ADARB2: variants seen among roughly 807,000 people sequenced by gnomAD.
ADARB2 encodes the protein inactive double-stranded RNA-specific editase B2.
ADARB2 carries 25 observed loss-of-function variants against 62.2 expected under a neutral mutation model. The ratio of observed to expected loss-of-function variants is 0.40; its 90% CI spans 0.29 to 0.56. The LOEUF (loss-of-function observed/expected upper bound fraction) is 0.56, where lower values mean the gene tolerates loss of function less well. ADARB2 is among the 20% of genes least tolerant of loss of function. ADARB2 has a pLI of 0.43. For missense variants in ADARB2, 1,071 were observed against 1,077.4 expected (o/e 0.99, Z 0.08); for synonymous variants, 572 against 500.8 (o/e 1.14, Z -1.90).
chr10:1,578,201 A>G (rs1320749387), intron 1 of ADARB2, among the ~76,000 whole-genome samples: 2 of 152,224 alleles, frequency 1.3e-5, no homozygotes, highest in African/African-American at 2.4e-5. Context: ...CACTTCCCGC[A>G]GCGGAACAGA....
intron 4 of ADARB2, among the ~76,000 whole-genome samples, chr10:1,265,819 G>A (rs1831192142): frequency 7.2e-6 from 1 of 138,394 alleles, no homozygotes; most frequent in South Asian, 2.6e-4. Context: ...CTGAGAGGGG[G>A]GCCCAGGGTC....
chr10:1,567,959 A>G (rs936541880), intron 1 of ADARB2, among the ~76,000 whole-genome samples: 14 of 152,178 alleles, frequency 9.2e-5, no homozygotes, highest in Non-Finnish European at 4.4e-5. Flanking sequence ...CGTTGATGGC[A>G]CGGCATCACC....
At chr10:1,308,920 G>T (rs1831658074) in intron 3 of ADARB2, among the ~76,000 whole-genome samples, 1 of 152,196 alleles carries the variant, frequency 6.6e-6, no homozygotes, top group South Asian at 2.1e-4. Context: ...AGGATAAACA[G>T]ATGCAGTTTC....
chr10:1,614,412 A>C (rs1011078406), intron 1 of ADARB2, among the ~76,000 whole-genome samples: 1 of 152,262 alleles, frequency 6.6e-6, no homozygotes, highest in African/African-American at 2.4e-5. Context: ...CAGAAAAAGC[A>C]ATGATTTTAT....
intron 8 of ADARB2, among the ~76,000 whole-genome samples, chr10:1,197,062 T>C (rs970615316): frequency 1.3e-5 from 2 of 152,250 alleles, no homozygotes; most frequent in African/African-American, 4.8e-5. Context: ...TAAACATTTG[T>C]AAAAATTTTG....
intron 1 of ADARB2, among the ~76,000 whole-genome samples, chr10:1,393,988 C>T (rs1331727576): frequency 6.6e-6 from 1 of 152,228 alleles, no homozygotes; most frequent in Non-Finnish European, 1.5e-5. Context: ...AGTTGCCTGA[C>T]ATCATCCTCG....
chr10:1,265,352 G>T (rs1831184642), intron 4 of ADARB2, among the ~76,000 whole-genome samples: 2 of 152,252 alleles, frequency 1.3e-5, no homozygotes, highest in Admixed American at 1.3e-4. Context: ...TGAAACACAA[G>T]AGTTTCTAAA....
intron 1 of ADARB2, among the ~76,000 whole-genome samples, chr10:1,480,136 G>C (rs894344198): frequency 6.6e-6 from 1 of 152,088 alleles, no homozygotes; most frequent in Non-Finnish European, 1.5e-5. Flanking sequence ...ACAGGACAAA[G>C]AGAAAGATAC....
At chr10:1,706,174 G>C (rs993444982) in intron 1 of ADARB2, among the ~76,000 whole-genome samples, 1 of 152,176 alleles carries the variant, frequency 6.6e-6, no homozygotes, top group East Asian at 1.9e-4. Flanking sequence ...TTGCTAAAAC[G>C]CTAGTGTTTT....
intron 3 of ADARB2, among the ~76,000 whole-genome samples, chr10:1,305,210 T>C (rs1246361173): frequency 1.4e-5 from 2 of 141,856 alleles, no homozygotes; most frequent in Non-Finnish European, 3.1e-5. Context: ...TAAAAAATGA[T>C]AAAGGGGATA....
intron 1 of ADARB2, among the ~76,000 whole-genome samples, chr10:1,614,870 C>A (rs543167532): frequency 6.6e-6 from 1 of 150,928 alleles, no homozygotes; most frequent in African/African-American, 2.4e-5. Flanking sequence ...GAGATCGCGC[C>A]AGTGCACTCC....
chr10:1,233,900 C>A (rs1830834756), intron 5 of ADARB2, 55 bp from the exon 6 acceptor site: 3 of 1,567,664 alleles, frequency 1.9e-6, no homozygotes, highest in South Asian at 1.2e-5. Flanking sequence ...CAGAAATGTT[C>A]CAACCAGGTG....
chr10:1,240,251 T>C (rs199727879), intron 5 of ADARB2: 8 of 92,048 alleles, frequency 8.7e-5, no homozygotes, highest in East Asian at 9.0e-4. Flanking sequence ...TTTACTCCCC[T>C]CTGCCTCCCG....
intron 1 of ADARB2, among the ~76,000 whole-genome samples, chr10:1,679,000 G>A (rs1834503164): frequency 6.6e-6 from 1 of 152,202 alleles, no homozygotes; most frequent in African/African-American, 2.4e-5. Context: ...ACATGAGCGA[G>A]TGAGTTCTCC....
At chr10:1,581,017 C>T (rs1032892973) in intron 1 of ADARB2, among the ~76,000 whole-genome samples, 7 of 152,202 alleles carry the variant, frequency 4.6e-5, no homozygotes, top group African/African-American at 1.7e-4. Flanking sequence ...TGAATAAAGC[C>T]GCTATAAGCA....
intron 3 of ADARB2, among the ~76,000 whole-genome samples, chr10:1,328,262 A>G (rs1831895332): frequency 1.3e-5 from 2 of 152,190 alleles, no homozygotes; most frequent in South Asian, 4.1e-4. Flanking sequence ...GGATTCTGGA[A>G]CCCCTGACTG....
rs11250368 is a variant in ADARB2, at chr10:1,264,537, A to G, written c.1192+6418T>C. 2.9e-3 allele frequency among the ~76,000 whole-genome samples: 445 copies of G among 152,358 alleles called. 1 individual carries two copies. Among genetic ancestry groups the G allele is most frequent in the African/African-American group, 9.7e-3 (404 of 41,584 alleles). On this transcript the variant is annotated intron_variant, in intron 4 of 9. Transcript: ENST00000381312. The stretch of plus-strand genomic sequence containing the variant: ...AACCAGCTTTATCTGGTACAACACA[A>G]TAACACAATTCTTTATTCAAGCCGA...
intron 1 of ADARB2, among the ~76,000 whole-genome samples, chr10:1,469,155 A>C (rs1831291943): frequency 6.6e-6 from 1 of 152,004 alleles, no homozygotes; most frequent in South Asian, 2.1e-4. Context: ...AGTCGTTTCT[A>C]TTAGAGATGG....
intron 1 of ADARB2, among the ~76,000 whole-genome samples, chr10:1,505,910 T>C (rs1831841475): frequency 6.6e-6 from 1 of 152,254 alleles, no homozygotes; most frequent in Non-Finnish European, 1.5e-5. Context: ...TAATAAATAA[T>C]CTTTCAATGT....
Sources: gnomAD v4.1 joint callset for allele counts (sites outside exome capture counted in the v4.1 genomes callset) on GRCh38, gnomAD v4.1.1 for gene constraint, MANE v1.5 for transcripts, NCBI Gene and HGNC (gene_info 2026-07-23, HGNC 2026-07-21) for gene names.